Variants in IL1RAPL2 observed in about 807,000 individuals in gnomAD.
The protein encoded by IL1RAPL2 is interleukin 1 receptor accessory protein like 2.
A neutral mutation model predicts 44.1 loss-of-function variants in IL1RAPL2; 3 were observed. The ratio of observed to expected loss-of-function variants is 0.07; its 90% CI spans 0.03 to 0.18. The LOEUF is 0.18. IL1RAPL2 is among the 10% of genes least tolerant of loss of function. IL1RAPL2 has a pLI of 1.00. For missense variants in IL1RAPL2, 391 were observed against 496.4 expected, an observed-to-expected ratio of 0.79 and a Z score of 2.02; for synonymous variants, 181 against 178.8, an observed-to-expected ratio of 1.01 and a Z score of -0.10.
chrX:104,700,803 A>G (rs1215460086), intron 2 of IL1RAPL2, among the ~76,000 whole-genome samples: 1 of 111,808 alleles, frequency 8.9e-6, no homozygotes, highest in Non-Finnish European at 1.9e-5. Context: ...ATAATACCAT[A>G]GTCATAAGAG....
At chrX:104,678,723 A>G (rs898127125) in intron 2 of IL1RAPL2, among the ~76,000 whole-genome samples, 52 of 111,822 alleles carry the variant, frequency 4.7e-4, no homozygotes, top group South Asian at 7.5e-4. Flanking sequence ...AATTAGTTCA[A>G]TTGTTCAATT....
At chrX:105,746,288 C>T (rs1286413726) in intron 8 of IL1RAPL2, among the ~76,000 whole-genome samples, 1 of 112,365 alleles carries the variant, frequency 8.9e-6, no homozygotes, top group Non-Finnish European at 1.9e-5. Context: ...GTTACAAGCC[C>T]ATAAATATTT....
intron 2 of IL1RAPL2, among the ~76,000 whole-genome samples, chrX:105,064,446 G>T: frequency 8.9e-6 from 1 of 111,826 alleles, no homozygotes; most frequent in Middle Eastern, 4.6e-3. Flanking sequence ...TGCTTTTTTT[G>T]TGTGTGTTGA....
chrX:105,108,863 TC>T (rs1445993455), intron 2 of IL1RAPL2, among the ~76,000 whole-genome samples: 1 of 111,325 alleles, frequency 9.0e-6, no homozygotes, highest in Admixed American at 9.6e-5. Context: ...TTAAAATAGG[TC>T]CCCATTATCC....
intron 5 of IL1RAPL2, among the ~76,000 whole-genome samples, chrX:105,294,919 A>G (rs1302000726): frequency 8.9e-6 from 1 of 111,954 alleles, no homozygotes; most frequent in Non-Finnish European, 1.9e-5. Flanking sequence ...GACATGATTC[A>G]GAGTGAAGCC....
intron 4 of IL1RAPL2, among the ~76,000 whole-genome samples, chrX:105,250,122 A>G (rs776471045): frequency 9.0e-6 from 1 of 111,588 alleles, no homozygotes; most frequent in South Asian, 3.7e-4. Flanking sequence ...TACGTACTGT[A>G]TGCTTAGAAC....
intron 5 of IL1RAPL2, among the ~76,000 whole-genome samples, chrX:105,339,271 C>T (rs956691925): frequency 9.0e-6 from 1 of 111,637 alleles, no homozygotes; most frequent in African/African-American, 3.3e-5. Context: ...TTGTTATATG[C>T]CATGTAGGTT....
intron 8 of IL1RAPL2, among the ~76,000 whole-genome samples, chrX:105,746,935 T>C (rs985032281): frequency 8.9e-6 from 1 of 111,829 alleles, no homozygotes; most frequent in African/African-American, 3.2e-5. Context: ...TGCCCCAAGA[T>C]GAAAGAGAAG....
At chrX:104,733,271 G>C (rs1602702735) in intron 2 of IL1RAPL2, among the ~76,000 whole-genome samples, 1 of 111,286 alleles carries the variant, frequency 9.0e-6, no homozygotes, top group South Asian at 3.7e-4. Context: ...TATTGTGAAA[G>C]AATGATTGTC....
chrX:105,559,386 T>C (rs1275265231), intron 6 of IL1RAPL2, among the ~76,000 whole-genome samples: 1 of 112,401 alleles, frequency 8.9e-6, no homozygotes, highest in African/African-American at 3.2e-5. Context: ...GACTTAACCT[T>C]TGTTATACAG....
chrX:105,044,085 G>T (rs369512935), intron 2 of IL1RAPL2, among the ~76,000 whole-genome samples: 1 of 111,440 alleles, frequency 9.0e-6, no homozygotes, highest in East Asian at 2.8e-4. Flanking sequence ...ATTAAACCTT[G>T]TACTCAGAAC....
At chrX:104,861,735 T>G (rs1391741779) in intron 2 of IL1RAPL2, among the ~76,000 whole-genome samples, 4 of 111,989 alleles carry the variant, frequency 3.6e-5, no homozygotes, top group Non-Finnish European at 7.5e-5. Flanking sequence ...TATATCTCCC[T>G]GTGTACTTTA....
chrX:105,552,932 C>A (rs887657389), intron 6 of IL1RAPL2, among the ~76,000 whole-genome samples: 3 of 111,988 alleles, frequency 2.7e-5, no homozygotes, highest in African/African-American at 9.7e-5. Context: ...ATTCTTTATA[C>A]TCTAATAAGT....
intron 6 of IL1RAPL2, among the ~76,000 whole-genome samples, chrX:105,500,641 A>T (rs2036387813): frequency 8.9e-6 from 1 of 111,797 alleles, no homozygotes. Flanking sequence ...AAAAAAATCT[A>T]TGTTAAAATG....
intron 5 of IL1RAPL2, among the ~76,000 whole-genome samples, chrX:105,461,655 C>T (rs1449684611): frequency 1.8e-5 from 2 of 111,559 alleles, no homozygotes; most frequent in Non-Finnish European, 3.8e-5. Context: ...CTGATCCTTC[C>T]ATCAGAATTA....
intron 6 of IL1RAPL2, among the ~76,000 whole-genome samples, chrX:105,649,981 A>C (rs1423932794): frequency 2.7e-5 from 3 of 111,316 alleles, no homozygotes; most frequent in Non-Finnish European, 5.7e-5. Flanking sequence ...AACACTGGTA[A>C]AAGACCAGCA....
intron 5 of IL1RAPL2, among the ~76,000 whole-genome samples, chrX:105,429,039 C>T (rs2035830545): frequency 9.0e-6 from 1 of 111,372 alleles, no homozygotes; most frequent in Admixed American, 9.6e-5. Flanking sequence ...CCATGCCAAA[C>T]GTTACTGAAG....
At chrX:105,398,575 G>C (rs1368484151) in intron 5 of IL1RAPL2, among the ~76,000 whole-genome samples, 1 of 110,750 alleles carries the variant, frequency 9.0e-6, no homozygotes, top group East Asian at 2.9e-4. Context: ...GTAATAATTT[G>C]CTATATTTAT....
chrX:105,630,013 G>C (rs1230624940), intron 6 of IL1RAPL2, among the ~76,000 whole-genome samples: 1 of 111,575 alleles, frequency 9.0e-6, no homozygotes, highest in Admixed American at 9.5e-5. Context: ...TGAGAGATTT[G>C]AACAAAGTGA....
Sources: allele counts gnomAD v4.1 joint callset (sites outside exome capture counted in the v4.1 genomes callset), GRCh38; gene constraint gnomAD v4.1.1; transcripts MANE v1.5; gene names NCBI Gene and HGNC (gene_info 2026-07-23, HGNC 2026-07-21).